The following APPL2 variants were observed in gnomAD, a reference collection of about 807,000 sequenced individuals.
The protein encoded by APPL2 is adaptor protein, phosphotyrosine interacting with PH domain and leucine zipper 2.
A neutral mutation model predicts 92.7 loss-of-function variants in APPL2; 84 were observed. The observed-to-expected ratio is 0.91, with a 90% confidence interval of 0.76 to 1.09. APPL2 has a LOEUF of 1.09. APPL2 is among the 50% of genes least tolerant of loss of function. The probability of loss-of-function intolerance (pLI) is 0.00; values close to 1 mark genes in which losing one functional copy is unlikely to be tolerated. For missense variants in APPL2, 736 were observed against 824.5 expected (o/e 0.89, Z 1.31); for synonymous variants, 291 against 291.0 (o/e 1.00, Z 0.00).
chr12:105,214,036 T>C (rs898900755), intron 4 of APPL2, among the ~76,000 whole-genome samples: 2 of 151,716 alleles, frequency 1.3e-5, no homozygotes, highest in South Asian at 2.1e-4. Context: ...AAATACAAAA[T>C]TGGCCGGGCG....
intron 17 of APPL2, among the ~76,000 whole-genome samples, chr12:105,178,758 A>G (rs191303388): frequency 1.1e-3 from 169 of 152,332 alleles, no homozygotes; most frequent in Non-Finnish European, 2.0e-3. Context: ...GTTAATGAGA[A>G]GTGTGTATGG....
intron 17 of APPL2, among the ~76,000 whole-genome samples, chr12:105,181,311 A>G (rs1196859): frequency 0.88 from 133,617 of 152,246 alleles, 58,937 homozygotes; most frequent in East Asian, 1. Context: ...GGATGAAGCC[A>G]ACTTGATCAT....
chr12:105,202,284 C>A (rs540179263), intron 9 of APPL2, among the ~76,000 whole-genome samples: 1 of 152,068 alleles, frequency 6.6e-6, no homozygotes, highest in Non-Finnish European at 1.5e-5. Context: ...CGTTAATGCC[C>A]GGGTTGTGGT....
chr12:105,189,049 C>T (rs781690661), intron 16 of APPL2, among the ~76,000 whole-genome samples: 51 of 152,206 alleles, frequency 3.4e-4, no homozygotes, highest in African/African-American at 1.2e-3. Context: ...GACAGGGTCT[C>T]ACTCTGTAGC....
At chr12:105,220,873 T>C (rs1318458769) in intron 2 of APPL2, among the ~76,000 whole-genome samples, 2 of 152,198 alleles carry the variant, frequency 1.3e-5, no homozygotes, top group Non-Finnish European at 2.9e-5. Flanking sequence ...CAAAACGACT[T>C]CGAACAACCA....
chr12:105,233,189 T>C (rs1891044580), intron 1 of APPL2: 12 of 985,326 alleles, frequency 1.2e-5, no homozygotes, highest in Admixed American at 6.2e-5. Flanking sequence ...ACTGGAACTG[T>C]TGCCTCATTA....
intron 2 of APPL2, among the ~76,000 whole-genome samples, chr12:105,226,988 G>A (rs957180781): frequency 2.0e-5 from 3 of 152,064 alleles, no homozygotes; most frequent in African/African-American, 7.2e-5. Context: ...GGGTGTGGTG[G>A]TGTGCACCTG....
chr12:105,183,009 C>G (rs553029143), intron 17 of APPL2, among the ~76,000 whole-genome samples: 1 of 151,240 alleles, frequency 6.6e-6, no homozygotes, highest in African/African-American at 2.4e-5. Flanking sequence ...CTATGTAATG[C>G]CCTTCTTTGT....
In APPL2 at chr12:105,217,730, G is replaced by A; in HGVS notation, c.154-5C>T. ...TGTGGCCAGGCACATCTCATTCTGT[G>A]GAGAGAAGAGAAAAAGCAAGTAAGA... On this transcript the variant is annotated splice_polypyrimidine_tract_variant and splice_region_variant and intron_variant, in intron 2 of 20. Transcript: ENST00000258530. The A allele has an allele frequency of 6.2e-7, 1 of 1,613,326 alleles. No individual in the cohort carries two copies. The highest frequency in any genetic ancestry group is 8.5e-7 in the Non-Finnish European group (1 of 1,179,860).
intron 4 of APPL2, 83 bp from the exon 5 acceptor site, chr12:105,211,400 G>T: frequency 1.0e-6 from 1 of 1,003,802 alleles, no homozygotes; most frequent in Non-Finnish European, 1.5e-6. Context: ...GAATCACACT[G>T]AACACTTCCG....
At chr12:105,233,226 A>G (rs1358830631) in intron 1 of APPL2, 2 of 985,360 alleles carry the variant, frequency 2.0e-6, no homozygotes, top group Admixed American at 1.2e-4. Context: ...ACTGTGAACC[A>G]GTCAAGGGTA....
intron 8 of APPL2, among the ~76,000 whole-genome samples, chr12:105,205,121 A>C (rs1379043778): frequency 6.6e-6 from 1 of 152,190 alleles, no homozygotes; most frequent in East Asian, 1.9e-4. Context: ...CAGCTCACAG[A>C]GGCTGGGGCT....
intron 2 of APPL2, among the ~76,000 whole-genome samples, chr12:105,222,730 G>A (rs1223384527): frequency 1.3e-5 from 2 of 152,176 alleles, no homozygotes; most frequent in Admixed American, 1.3e-4. Context: ...TCTGGGAGCT[G>A]AGAGTCCATG....
chr12:105,190,895 A>T (rs1887138662), intron 14 of APPL2, among the ~76,000 whole-genome samples: 1 of 152,196 alleles, frequency 6.6e-6, no homozygotes, highest in Admixed American at 6.5e-5. Context: ...CTTCTCCTCC[A>T]GTCTCAGAAT....
At chr12:105,210,056 G>A (rs1430571608) in intron 5 of APPL2, among the ~76,000 whole-genome samples, 1 of 152,122 alleles carries the variant, frequency 6.6e-6, no homozygotes. Context: ...CACCTCCCGG[G>A]TTCAAGCGAT....
intron 2 of APPL2, among the ~76,000 whole-genome samples, chr12:105,225,574 A>G (rs1407323193): frequency 6.6e-6 from 1 of 152,262 alleles, no homozygotes; most frequent in African/African-American, 2.4e-5. Flanking sequence ...TAACTTATTT[A>G]GCCAATAGTT....
At chr12:105,198,208 A>G (rs992427535) in intron 10 of APPL2, among the ~76,000 whole-genome samples, 14 of 152,166 alleles carry the variant, frequency 9.2e-5, no homozygotes, top group Non-Finnish European at 4.4e-5. Context: ...CCACAGCCAC[A>G]TGCTGACTAC....
chr12:105,232,646 C>A (rs1462267793), intron 1 of APPL2, among the ~76,000 whole-genome samples: 1 of 151,632 alleles, frequency 6.6e-6, no homozygotes, highest in African/African-American at 2.4e-5. Context: ...TGCCTGTAGT[C>A]CTAGCTACTC....
At chr12:105,179,617 A>G (rs1420516197) in intron 17 of APPL2, among the ~76,000 whole-genome samples, 1 of 152,094 alleles carries the variant, frequency 6.6e-6, no homozygotes, top group East Asian at 1.9e-4. Context: ...AAGCGTTCCT[A>G]TTTCTCCACA....
Sources: allele counts gnomAD v4.1 joint callset (sites outside exome capture counted in the v4.1 genomes callset), GRCh38; gene constraint gnomAD v4.1.1; transcripts MANE v1.5; gene names NCBI Gene and HGNC (gene_info 2026-07-23, HGNC 2026-07-21).